Variants in FAM200B observed in about 807,000 individuals in gnomAD.
FAM200B encodes the protein protein FAM200B.
FAM200B carries 32 observed loss-of-function variants against 33.1 expected under a neutral mutation model. The observed-to-expected ratio is 0.97, with a 90% confidence interval of 0.73 to 1.30. The LOEUF (loss-of-function observed/expected upper bound fraction) is 1.30. Among genes scored for constraint, FAM200B ranks in the 50% most tolerant of loss-of-function variants. FAM200B has a pLI of 0.00. For synonymous variants in FAM200B, 240 were observed against 264.8 expected (o/e 0.91, Z 0.91); for missense variants, 741 against 754.0 (o/e 0.98, Z 0.20).
chr4:15,659,820 G>T, the FAM200B span: 1 of 757,942 alleles, frequency 1.3e-6, no homozygotes, highest in Non-Finnish European at 1.6e-6. Flanking sequence ...CTTGTAGGGA[G>T]AAAGAATGGT....
chr4:15,674,859 C>G, the FAM200B span, among the ~76,000 whole-genome samples: 37 of 152,276 alleles, frequency 2.4e-4, no homozygotes, highest in Non-Finnish European at 4.7e-4. Context: ...CCGTGTTAGC[C>G]AGGATGGTCT....
At chr4:15,671,064 C>G in the FAM200B span, among the ~76,000 whole-genome samples, 1 of 151,646 alleles carries the variant, frequency 6.6e-6, no homozygotes, top group African/African-American at 2.4e-5. Context: ...GCTGGGATTA[C>G]AGGTGCCCGC....
the FAM200B span, among the ~76,000 whole-genome samples, chr4:15,649,238 G>A: frequency 3.4e-3 from 510 of 152,026 alleles, 2 homozygotes; most frequent in African/African-American, 0.011. Context: ...CATGAAAAGT[G>A]CAAACATTTT....
the FAM200B span, among the ~76,000 whole-genome samples, chr4:15,673,048 A>G: frequency 6.6e-6 from 1 of 152,164 alleles, no homozygotes; most frequent in Non-Finnish European, 1.5e-5. Context: ...GCTGTCATCT[A>G]TGATAACAAT....
the FAM200B span, among the ~76,000 whole-genome samples, chr4:15,659,076 C>T: frequency 6.6e-6 from 1 of 152,118 alleles, no homozygotes; most frequent in Non-Finnish European, 1.5e-5. Flanking sequence ...CCCTCCTGTG[C>T]TTTAACTAAA....
In FAM200B at chr4:15,687,315, A is replaced by G. The variant is rs1252785453; in HGVS notation, c.338A>G (p.Glu113Gly). Reference sequence around the variant, plus strand: ...AGGCACTTAGAAACTCAGCATGCTGAACTTATTGATAAGCCTCTTGAATAT... The same window carrying G: ...AGGCACTTAGAAACTCAGCATGCTGGACTTATTGATAAGCCTCTTGAATAT... ...LKRHLETQHA[E>G]LIDKPLEYFQ... The change falls in exon 2 of 2, where the codon GAA becomes GGA. Residue 113 changes from glutamate (E) to glycine (G), a missense_variant. Coordinates refer to ENST00000422728, the MANE Select transcript of FAM200B (RefSeq NM_001145191.2). The G allele has an allele frequency of 6.5e-7, 1 of 1,546,352 alleles. No homozygotes were observed. The highest frequency in any genetic ancestry group is 8.7e-7 in the Non-Finnish European group (1 of 1,143,996).
Position 15,688,304 on chromosome 4 carries a change from AG to A in FAM200B, c.1328del (p.Ser443IlefsTer2). Reference sequence around the variant, plus strand: ...TATTTTTAGCATTCTTAATGAACTGAGTTTAAAACTACAGGGGAAAAACAGT... The same window carrying A: ...TATTTTTAGCATTCTTAATGAACTGATTTAAAACTACAGGGGAAAAACAGT... ...TDIFSILNEL[S>X]LKLQGKNSDV... On this transcript the variant is annotated frameshift_variant, in exon 2 of 2. Coordinates refer to ENST00000422728, the MANE Select transcript of FAM200B (RefSeq NM_001145191.2). LOFTEE classifies it high-confidence loss of function. 6.5e-7 allele frequency: 1 copy of A among 1,549,890 alleles called. No homozygotes were observed. Among genetic ancestry groups the A allele is most frequent in the Non-Finnish European group, 8.7e-7 (1 of 1,145,448 alleles).
chr4:15,678,527 G>A (rs558674666), upstream of FAM200B, among the ~76,000 whole-genome samples: 1 of 152,230 alleles, frequency 6.6e-6, no homozygotes, highest in Non-Finnish European at 1.5e-5. Flanking sequence ...TCATGCATAG[G>A]TATACTAAAT....
In FAM200B at chr4:15,686,885, A is replaced by C. The variant is rs1378727695; in HGVS notation, c.-93A>C. The C allele has an allele frequency of 6.7e-6, 4 of 600,320 alleles. No homozygotes were observed. The highest frequency in any genetic ancestry group is 3.9e-5 in the Admixed American group (1 of 25,644). The allele number at this position is 600,320 out of a possible 1,614,324, so 37.2% of individuals were successfully genotyped here. The stretch of plus-strand genomic sequence containing the variant: ...TGCAAACTTTGAGTGTAGTTTTTGA[A>C]AAGATGTTATTTAGACTGTATATTT... On this transcript the variant is annotated 5_prime_UTR_variant, in exon 2 of 2. Coordinates refer to ENST00000422728, the MANE Select transcript of FAM200B (RefSeq NM_001145191.2).
upstream of FAM200B, among the ~76,000 whole-genome samples, chr4:15,676,904 G>A (rs1168886144): frequency 1.3e-5 from 2 of 151,944 alleles, no homozygotes; most frequent in East Asian, 3.8e-4. Flanking sequence ...AAAATCTTAA[G>A]AAAACAAAAA....
upstream of FAM200B, among the ~76,000 whole-genome samples, chr4:15,680,624 C>T (rs1369347937): frequency 1.3e-5 from 2 of 151,782 alleles, no homozygotes; most frequent in African/African-American, 2.4e-5. Context: ...TGCAGTGAGC[C>T]GAGGCTGCGC....
the FAM200B span, among the ~76,000 whole-genome samples, chr4:15,650,413 G>A: frequency 2.6e-5 from 4 of 151,882 alleles, no homozygotes; most frequent in Non-Finnish European, 4.4e-5. Flanking sequence ...TTTACTTTTC[G>A]GTTTAAATTT....
the FAM200B span, among the ~76,000 whole-genome samples, chr4:15,647,794 T>G: frequency 6.6e-6 from 1 of 152,326 alleles, no homozygotes; most frequent in African/African-American, 2.4e-5. Context: ...TTACATTTCT[T>G]TGTACCTCAG....
rs1463015987 is a variant in FAM200B at position 15,687,674 on chromosome 4, A to G, written c.697A>G (p.Thr233Ala). ...TTTTGCAATCCAGCTTGATGAAAGC[A>G]CTGATATTGGAAGCTGCACAACACT... ...IDFAIQLDESTDIGSCTTLLV... is the reference protein window; with the variant it reads ...IDFAIQLDESADIGSCTTLLV... Residue 233 changes from threonine (T) to alanine (A), a missense_variant, in exon 2 of 2, where the codon ACT becomes GCT. Transcript: ENST00000422728. The G allele has an allele frequency of 1.3e-6, 2 of 1,551,212 alleles. No individual in the cohort carries two copies. Among genetic ancestry groups the G allele is most frequent in the Admixed American group, 2.0e-5 (1 of 50,998 alleles).
chr4:15,688,053 G>A lies in FAM200B; in HGVS notation c.1076G>A (p.Ser359Asn), dbSNP rs1719053942. The A allele has an allele frequency of 1.3e-6, 2 of 1,551,020 alleles. No homozygotes were observed. Residue 359 changes from serine (S) to asparagine (N), a missense_variant, in exon 2 of 2, where the codon AGC (serine) becomes AAC (asparagine). Coordinates refer to ENST00000422728, the MANE Select transcript of FAM200B (RefSeq NM_001145191.2). ...AAAGTTGTTAATTTTATTAAAGGAAGCTCATTGAATAGCCGGCTTCTTGAA... is the reference window on the plus strand; with the variant it reads ...AAAGTTGTTAATTTTATTAAAGGAAACTCATTGAATAGCCGGCTTCTTGAA... ...AVKVVNFIKG[S>N]SLNSRLLETF... is the part of the protein sequence containing the mutation.
chr4:15,655,214 T>C, the FAM200B span: 4 of 1,430,260 alleles, frequency 2.8e-6, no homozygotes, highest in Non-Finnish European at 3.7e-6. Context: ...CTTGTCGCAG[T>C]AGAGCCCCAC....
chr4:15,670,993 G>A, the FAM200B span, among the ~76,000 whole-genome samples: 5 of 137,536 alleles, frequency 3.6e-5, no homozygotes, highest in East Asian at 2.2e-4. Flanking sequence ...GCGTGATCTC[G>A]GCTCACTATA....
At chr4:15,646,944 T>C in the FAM200B span, among the ~76,000 whole-genome samples, 1 of 151,774 alleles carries the variant, frequency 6.6e-6, no homozygotes, top group African/African-American at 2.4e-5. Context: ...TGAAAAAGGC[T>C]GGGCATGGTG....
At chr4:15,656,157 G>C in the FAM200B span, 3 of 455,832 alleles carry the variant, frequency 6.6e-6, no homozygotes, top group Non-Finnish European at 1.3e-5. Context: ...TGGAAGGTTG[G>C]TGCGGGAAAG....
Sources: allele counts gnomAD v4.1 joint callset (sites outside exome capture counted in the v4.1 genomes callset), GRCh38; gene constraint gnomAD v4.1.1; transcripts MANE v1.5; gene names NCBI Gene and HGNC (gene_info 2026-07-23, HGNC 2026-07-21).